GRIK1: variants seen among roughly 807,000 people sequenced by gnomAD.
GRIK1 encodes the protein glutamate receptor ionotropic, kainate 1.
GRIK1 carries 69 observed loss-of-function variants against 105.7 expected under a neutral mutation model. The ratio of observed to expected loss-of-function variants is 0.65; its 90% confidence interval spans 0.54 to 0.80. The LOEUF (loss-of-function observed/expected upper bound fraction) is 0.80. Among genes scored for constraint, GRIK1 ranks in the 30% least tolerant of loss-of-function variants. The pLI is 0.00. For synonymous variants in GRIK1, 438 were observed against 431.3 expected, an observed-to-expected ratio of 1.02 and a Z score of -0.19; for missense variants, 1,109 against 1,167.3, an observed-to-expected ratio of 0.95 and a Z score of 0.73.
chr21:29,640,212 T>A (rs2062484324), intron 7 of GRIK1, among the ~76,000 whole-genome samples: 2 of 152,018 alleles, frequency 1.3e-5, no homozygotes, highest in South Asian at 4.2e-4. Flanking sequence ...GTTCCTTATT[T>A]CATGTTTCCT....
chr21:29,883,280 T>C (rs2069493144), intron 1 of GRIK1, among the ~76,000 whole-genome samples: 1 of 152,146 alleles, frequency 6.6e-6, no homozygotes, highest in African/African-American at 2.4e-5. Context: ...TGTGGTTCTA[T>C]GAAACAGTAT....
chr21:29,909,045 T>C (rs539711987), intron 1 of GRIK1, among the ~76,000 whole-genome samples: 163 of 152,276 alleles, frequency 1.1e-3, no homozygotes, highest in African/African-American at 3.6e-3. Context: ...AATAAATTTA[T>C]GTTTTATTTT....
Position 29,615,869 on chromosome 21 carries a change from C to T in GRIK1, c.1099-16932G>A, listed in dbSNP as rs149550113. Among the ~76,000 whole-genome samples the T allele has an allele frequency of 1.4e-4, 22 of 152,322 alleles. 1 individual carries two copies. The highest frequency in any genetic ancestry group is 2.8e-4 in the Non-Finnish European group (19 of 68,040). On this transcript the variant is annotated intron_variant, in intron 7 of 17. Transcript: ENST00000327783. ...TCAGTCTCCCGTAACTTTGGATTTC[C>T]TGCAAGTAACAAGACTTCAGTGACT...
intron 6 of GRIK1, among the ~76,000 whole-genome samples, chr21:29,650,428 T>A (rs1466395902): frequency 6.6e-6 from 1 of 152,230 alleles, no homozygotes; most frequent in East Asian, 1.9e-4. Context: ...TTCCTGCTAT[T>A]TTCTTCAGCA....
At chr21:29,863,600 GA>G (rs2068714727) in intron 1 of GRIK1, among the ~76,000 whole-genome samples, 1 of 152,148 alleles carries the variant, frequency 6.6e-6, no homozygotes, top group Admixed American at 6.5e-5. Context: ...TGCAAAAGGA[GA>G]ATTTAGCTCA....
chr21:29,872,961 G>A (rs1265725874), intron 1 of GRIK1, among the ~76,000 whole-genome samples: 1 of 152,166 alleles, frequency 6.6e-6, no homozygotes, highest in Non-Finnish European at 1.5e-5. Context: ...AGAGGAGATG[G>A]AAGGTACCAA....
intron 1 of GRIK1, among the ~76,000 whole-genome samples, chr21:29,846,246 G>A (rs1481881208): frequency 4.3e-3 from 2 of 470 alleles, no homozygotes; most frequent in Non-Finnish European, 5.9e-3. Context: ...AAAATTAGCC[G>A]GGCGCGTGGC....
chr21:29,579,733 A>T (rs78447838), intron 13 of GRIK1, among the ~76,000 whole-genome samples: 1 of 152,198 alleles, frequency 6.6e-6, no homozygotes, highest in African/African-American at 2.4e-5. Context: ...TTCTTGAATG[A>T]CAAGCAGAGT....
intron 1 of GRIK1, among the ~76,000 whole-genome samples, chr21:29,873,299 A>G (rs2069082232): frequency 6.6e-6 from 1 of 152,158 alleles, no homozygotes; most frequent in Non-Finnish European, 1.5e-5. Flanking sequence ...CTTCTCAGGG[A>G]TTTTAATATG....
intron 1 of GRIK1, among the ~76,000 whole-genome samples, chr21:29,827,669 G>A (rs1041398483): frequency 1.3e-5 from 2 of 152,014 alleles, no homozygotes; most frequent in Non-Finnish European, 2.9e-5. Context: ...GAGGACATAT[G>A]AGAAAAAATC....
At chr21:29,719,330 C>T (rs1236453343) in intron 1 of GRIK1, among the ~76,000 whole-genome samples, 1 of 151,788 alleles carries the variant, frequency 6.6e-6, no homozygotes, top group Non-Finnish European at 1.5e-5. Flanking sequence ...CCACCCAAGA[C>T]TTGAGGAATC....
chr21:29,664,563 G>C (rs2063024240), intron 4 of GRIK1, among the ~76,000 whole-genome samples: 1 of 151,518 alleles, frequency 6.6e-6, no homozygotes, highest in African/African-American at 2.4e-5. Flanking sequence ...TAATGATATT[G>C]TAATTCCCAT....
intron 1 of GRIK1, among the ~76,000 whole-genome samples, chr21:29,758,025 T>C (rs2065395687): frequency 6.6e-6 from 1 of 152,206 alleles, no homozygotes; most frequent in Non-Finnish European, 1.5e-5. Context: ...CAGAGAACAG[T>C]GAAGGTCATG....
At chr21:29,809,737 C>T (rs867498424) in intron 1 of GRIK1, among the ~76,000 whole-genome samples, 48 of 152,302 alleles carry the variant, frequency 3.2e-4, no homozygotes, top group African/African-American at 1.1e-3. Flanking sequence ...GCCATGTCTT[C>T]CTCACTAAGC....
chr21:29,676,486 T>C (rs1250099000), intron 3 of GRIK1, among the ~76,000 whole-genome samples: 1 of 152,222 alleles, frequency 6.6e-6, no homozygotes, highest in Non-Finnish European at 1.5e-5. Context: ...CATTTCTTTG[T>C]AATGAGTAGT....
intron 1 of GRIK1, among the ~76,000 whole-genome samples, chr21:29,735,841 C>T (rs1205285471): frequency 4.1e-5 from 2 of 48,714 alleles, no homozygotes; most frequent in South Asian, 1.1e-3. Context: ...AGTGAGACTC[C>T]GTCTCAAAAA....
intron 1 of GRIK1, among the ~76,000 whole-genome samples, chr21:29,750,818 G>A (rs1395870058): frequency 2.0e-5 from 3 of 152,176 alleles, no homozygotes; most frequent in Admixed American, 2.0e-4. Context: ...TATCTAATAA[G>A]ATAGGTTTGA....
intron 14 of GRIK1, among the ~76,000 whole-genome samples, chr21:29,574,715 T>A: frequency 7.5e-6 from 1 of 132,954 alleles, no homozygotes; most frequent in Non-Finnish European, 1.5e-5. Context: ...TGAGACGGAG[T>A]CTCGCTCTGT....
rs528422306 is a variant in GRIK1, at chr21:29,751,202, G to A, written c.119-57139C>T. ...ACGTGCAGGTCACAGGGGATATGAT[G>A]GCTTAGCTTGGGCTCAGAGGCCTGA... On this transcript the variant is annotated intron_variant, in intron 1 of 17. Transcript: ENST00000327783. 1.3e-3 allele frequency among the ~76,000 whole-genome samples: 201 copies of A among 152,274 alleles called. 1 individual carries two copies. Among genetic ancestry groups the A allele is most frequent in the African/African-American group, 4.8e-3 (199 of 41,564 alleles).
Sources: allele counts gnomAD v4.1 joint callset (sites outside exome capture counted in the v4.1 genomes callset), GRCh38; gene constraint gnomAD v4.1.1; transcripts MANE v1.5; gene names NCBI Gene and HGNC (gene_info 2026-07-23, HGNC 2026-07-21).